Variants in PELI3 observed in about 807,000 individuals in gnomAD.
PELI3 encodes the protein E3 ubiquitin-protein ligase pellino homolog 3.
A neutral mutation model predicts 35.5 loss-of-function variants in PELI3; 19 were observed. The ratio of observed to expected loss-of-function variants is 0.54; its 90% CI spans 0.37 to 0.79. The LOEUF (loss-of-function observed/expected upper bound fraction) is 0.79, where lower values mean the gene tolerates loss of function less well. Ranked by LOEUF, PELI3 falls within the 30% of genes least tolerant of loss-of-function variation. The pLI is 0.00. For synonymous variants in PELI3, 262 were observed against 279.2 expected, an observed-to-expected ratio of 0.94 and a Z score of 0.62; for missense variants, 490 against 661.2, an observed-to-expected ratio of 0.74 and a Z score of 2.84.
In PELI3 at chr11:66,473,803, G is replaced by A. The variant is rs1854805754; in HGVS notation, c.718G>A (p.Val240Met). The A allele has an allele frequency of 6.2e-7, 1 of 1,614,010 alleles. No homozygotes were observed. Among genetic ancestry groups the A allele is most frequent in the East Asian group, 2.2e-5 (1 of 44,888 alleles). ...MDGLTTNGVL[V>M]MHPAGGFSED... ...TGGACTGACCACCAATGGAGTCCTG[G>A]TGATGCACCCGGCAGGCGGCTTCTC... The change falls in exon 7 of 8, where the codon GTG (valine) becomes ATG (methionine). Residue 240 changes from valine (V) to methionine (M), a missense_variant. By Grantham distance (21) the Val-to-Met change is conservative. Around this residue, in one of 3 missense-constraint regions of PELI3, gnomAD observed 349 missense variants for 484.8 expected, o/e 0.72. Transcript: ENST00000320740. This position sits in a 1 kb window ranked among gnomAD's most constrained non-coding sequence, Gnocchi z 5.8.
Position 66,475,817 on chromosome 11 carries a change from C to T in PELI3, c.1060C>T (p.Gln354Ter). ...PARGRTAPDK[Q>*]QPWVYVRCGH... ...CCGTGGCCGCACAGCGCCCGACAAACAGCAGCCCTGGGTCTACGTCCGCTG... is the reference window on the plus strand; with the variant it reads ...CCGTGGCCGCACAGCGCCCGACAAATAGCAGCCCTGGGTCTACGTCCGCTG... Residue 354 changes from glutamine (Q) to a stop codon, truncating the protein, a stop_gained, in exon 8 of 8, where the codon CAG (glutamine) becomes TAG (stop). Coordinates refer to ENST00000320740, the MANE Select transcript of PELI3 (RefSeq NM_145065.3). LOFTEE classifies it high-confidence loss of function. 6.2e-7 allele frequency: 1 copy of T among 1,608,172 alleles called. No individual in the cohort carries two copies. The highest frequency in any genetic ancestry group is 8.5e-7 in the Non-Finnish European group (1 of 1,178,246).
Position 66,473,107 on chromosome 11 carries a change from C to T in PELI3, c.457-134C>T. The T allele has an allele frequency of 1.2e-6, 1 of 865,334 alleles. No homozygotes were observed. The highest frequency in any genetic ancestry group is 2.7e-5 in the East Asian group (1 of 37,056). 53.6% of individuals were successfully genotyped at this position (865,334 alleles called of 1,614,324 possible). On this transcript the variant is annotated intron_variant, in intron 5 of 7. Coordinates refer to ENST00000320740, the MANE Select transcript of PELI3 (RefSeq NM_145065.3). This position sits in a 1 kb window ranked among gnomAD's most constrained non-coding sequence, Gnocchi z 5.8. ...AGAGGGCCTATGGAGTTGGTGCTGC[C>T]CCTTCTCCAGGGCCTGGCAGCCTCC...
intron 7 of PELI3, chr11:66,474,427 G>C: frequency 3.3e-6 from 1 of 303,198 alleles, no homozygotes; most frequent in South Asian, 3.5e-5. Flanking sequence ...AGATCAGAGA[G>C]CTGAGGTTAG....
At chr11:66,471,709 G>C (rs1239588811) in intron 4 of PELI3, among the ~76,000 whole-genome samples, 1 of 152,092 alleles carries the variant, frequency 6.6e-6, no homozygotes, top group Non-Finnish European at 1.5e-5. Flanking sequence ...CAGAGAGTGG[G>C]AGGTGACAGT....
rs538589865 is a variant in PELI3, at chr11:66,468,680, A to G, written c.153-153A>G. On this transcript the variant is annotated intron_variant, in intron 2 of 7. Coordinates refer to ENST00000320740, the MANE Select transcript of PELI3 (RefSeq NM_145065.3). ...CCCCTGTTTTGCAAATGGGGATGAT[A>G]ATAATCCCTTCCTCAGAGGGTTGTT... 2.0e-5 allele frequency among the ~76,000 whole-genome samples: 3 copies of G among 152,340 alleles called. No individual in the cohort carries two copies. In the South Asian group the frequency reaches 6.2e-4, roughly 32 times the overall value.
chr11:66,475,689 G>A lies in PELI3; in HGVS notation c.932G>A (p.Arg311Gln), dbSNP rs1225139301. 17 of 1,612,430 alleles carry A rather than the reference G, an allele frequency of 1.1e-5. No individual in the cohort carries two copies. Among genetic ancestry groups the A allele is most frequent in the East Asian group, 6.7e-5 (3 of 44,870 alleles). ...LLWRTPAGLL[R>Q]APTLKQLEAQ... The stretch of plus-strand genomic sequence containing the variant: ...TGGCGCACACCGGCGGGGCTGCTGC[G>A]GGCTCCCACACTGAAGCAACTGGAG... Residue 311 changes from arginine (R) to glutamine (Q), a missense_variant, in exon 8 of 8, where the codon CGG becomes CAG. By Grantham distance (43) the Arg-to-Gln change is conservative. This residue lies in a region of PELI3 where 349 missense variants were observed against 484.8 expected (regional missense o/e 0.72). Coordinates refer to ENST00000320740, the MANE Select transcript of PELI3 (RefSeq NM_145065.3).
At position 66,467,356 on chromosome 11, in the gene PELI3, G is replaced by A. The variant is rs1365322023; in HGVS notation, c.-2+329G>A. 2.0e-5 allele frequency: 3 copies of A among 152,214 alleles called. No homozygotes were observed. Among genetic ancestry groups the A allele is most frequent in the Non-Finnish European group, 4.4e-5 (3 of 68,074 alleles). The allele number at this position is 152,214 out of a possible 1,614,324, so 9.4% of individuals were successfully genotyped here. On this transcript the variant is annotated intron_variant, in intron 1 of 7. Coordinates refer to ENST00000320740, the MANE Select transcript of PELI3 (RefSeq NM_145065.3). The surrounding 1 kb of genome is among the most constrained non-coding windows in gnomAD (Gnocchi z 4.2). ...CCCGGCGCGGTCCCTCTGGCGCGGG[G>A]ATGTTTTCCAAACGGGCTGCCTGCG...
intron 3 of PELI3, among the ~76,000 whole-genome samples, chr11:66,470,717 T>C (rs946601612): frequency 6.6e-6 from 1 of 152,130 alleles, no homozygotes; most frequent in Non-Finnish European, 1.5e-5. Flanking sequence ...TGGTTTTGAG[T>C]AGTGGTGTGA....
chr11:66,475,428 C>CA, intron 7 of PELI3, 170 bp from the exon 8 acceptor site: 1 of 620,732 alleles, frequency 1.6e-6, no homozygotes, highest in Non-Finnish European at 2.8e-6. Flanking sequence ...GGGGGATCAG[C>CA]ATGTGCCTGG....
chr11:66,468,421 G>C, intron 2 of PELI3, 141 bp downstream of exon 2: 1 of 813,044 alleles, frequency 1.2e-6, no homozygotes, highest in Non-Finnish European at 1.7e-6. Context: ...AGACAAAATT[G>C]ACCAAACCCA....
chr11:66,475,544 C>CACA, intron 7 of PELI3, 54 bp from the exon 8 acceptor site: 1 of 1,580,688 alleles, frequency 6.3e-7, no homozygotes, highest in South Asian at 1.1e-5. Flanking sequence ...GGGATGGACC[C>CACA]GCGGCTCAGC....
In PELI3 at chr11:66,476,467, T is replaced by C. The variant is rs1854924800; in HGVS notation, c.*300T>C. The C allele has an allele frequency of 4.5e-6, 2 of 441,590 alleles. No homozygotes were observed. Among genetic ancestry groups the C allele is most frequent in the Non-Finnish European group, 8.2e-6 (2 of 245,370 alleles). 27.4% of individuals were successfully genotyped at this position (441,590 alleles called of 1,614,324 possible). A position where few individuals can be genotyped will look rare whatever the true frequency, so the allele number is the denominator to read the frequency against. Reference sequence around the variant, plus strand: ...CCCACATCGTGCCGCCGACACTGTGTGCCCCTGGGGGAGTGAAGGGGCCAG... The same window carrying C: ...CCCACATCGTGCCGCCGACACTGTGCGCCCCTGGGGGAGTGAAGGGGCCAG... On this transcript the variant is annotated 3_prime_UTR_variant, in exon 8 of 8. Coordinates refer to ENST00000320740, the MANE Select transcript of PELI3 (RefSeq NM_145065.3).
Position 66,473,383 on chromosome 11 carries a change from C to T in PELI3, c.599C>T (p.Thr200Ile), listed in dbSNP as rs1231287183. 1 of 1,613,684 alleles carries T rather than the reference C, an allele frequency of 6.2e-7. No homozygotes were observed. Among genetic ancestry groups the T allele is most frequent in the South Asian group, 1.1e-5 (1 of 91,078 alleles). Residue 200 changes from threonine (T) to isoleucine (I), a missense_variant, in exon 6 of 8, where the codon ACT becomes ATT. This residue lies in a region of PELI3 where 349 missense variants were observed against 484.8 expected (regional missense o/e 0.72). Transcript: ENST00000320740. The surrounding 1 kb of genome is among the most constrained non-coding windows in gnomAD (Gnocchi z 5.8). ...RILCDRRPPY[T>I]ARIYAAGFDA... is the part of the protein sequence containing the mutation. ...CTCTGTGACCGCCGGCCACCCTATA[C>T]TGCCCGCATCTATGCCGCTGGCTTC...
chr11:66,472,570 C>T lies in PELI3; in HGVS notation c.456+100C>T. Reference sequence around the variant, plus strand: ...GGGTTGGGAGGCCATGGGAAAGCTGCTTCTCTCCAGACGAGGAAGCAGGAT... The same window carrying T: ...GGGTTGGGAGGCCATGGGAAAGCTGTTTCTCTCCAGACGAGGAAGCAGGAT... On this transcript the variant is annotated intron_variant, in intron 5 of 7. Coordinates refer to ENST00000320740, the MANE Select transcript of PELI3 (RefSeq NM_145065.3). 3 of 960,676 alleles carry T rather than the reference C, an allele frequency of 3.1e-6. No individual in the cohort carries two copies. In the South Asian group the frequency reaches 4.3e-5, roughly 14 times the overall value. The allele number at this position is 960,676 out of a possible 1,614,324, so 59.5% of individuals were successfully genotyped here.
rs1219686830 is a variant in PELI3, at chr11:66,472,424, C to T, written c.410C>T (p.Ser137Leu). Residue 137 changes from serine (S) to leucine (L), a missense_variant, in exon 5 of 8, where the codon TCG (serine) becomes TTG (leucine). Physicochemically the swap from Ser to Leu is moderately radical, Grantham distance 145. Coordinates refer to ENST00000320740, the MANE Select transcript of PELI3 (RefSeq NM_145065.3). ...TCGTATACACTGTCCCGGAGCCACT[C>T]GGTCATAGTGGAGTATACACATGAT... ...SISYTLSRSH[S>L]VIVEYTHDSD... The T allele has an allele frequency of 1.3e-5, 21 of 1,613,986 alleles. 1 individual carries two copies. In the South Asian group the frequency reaches 1.4e-4, roughly 11 times the overall value.
chr11:66,476,571 C>T lies in PELI3; in HGVS notation c.*404C>T, dbSNP rs990706852. The T allele has an allele frequency of 9.5e-6, 2 of 209,832 alleles. No individual in the cohort carries two copies. The highest frequency in any genetic ancestry group is 8.5e-5 in the South Asian group (1 of 11,712). The allele number at this position is 209,832 out of a possible 1,614,324, so 13.0% of individuals were successfully genotyped here. ...TTCAGACACTCATCCTTCATCCTTCCTGCTGCCGCCCTGGGTTCCTCTATA... is the reference window on the plus strand; with the variant it reads ...TTCAGACACTCATCCTTCATCCTTCTTGCTGCCGCCCTGGGTTCCTCTATA... On this transcript the variant is annotated 3_prime_UTR_variant, in exon 8 of 8. Transcript: ENST00000320740.
chr11:66,476,049 C>T lies in PELI3; in HGVS notation c.1292C>T (p.Ala431Val), dbSNP rs777914821. Residue 431 changes from alanine (A) to valine (V), a missense_variant, in exon 8 of 8, where the codon GCC (alanine) becomes GTC (valine). Transcript: ENST00000320740. ...TCTGAGAAGACTGCCCGCTACTGGG[C>T]CCAGACACCACTGCCCCACGGCACC... ...VCSEKTARYW[A>V]QTPLPHGTHA... The T allele has an allele frequency of 6.2e-7, 1 of 1,611,086 alleles. No individual in the cohort carries two copies. Among genetic ancestry groups the T allele is most frequent in the Non-Finnish European group, 8.5e-7 (1 of 1,179,684 alleles).
Position 66,475,864 on chromosome 11 carries a change from C to T in PELI3, c.1107C>T (p.His369=), listed in dbSNP as rs763830890. The part of the protein sequence containing the change: ...YVRCGHVHGY[H]GWGCRRERGP... ...GCTGCGGGCACGTCCATGGCTACCACGGCTGGGGCTGCCGGCGGGAGCGGG... is the reference window on the plus strand; with the variant it reads ...GCTGCGGGCACGTCCATGGCTACCATGGCTGGGGCTGCCGGCGGGAGCGGG... The change falls in exon 8 of 8, where the codon CAC becomes CAT. Residue 369 remains histidine, a synonymous_variant. Coordinates refer to ENST00000320740, the MANE Select transcript of PELI3 (RefSeq NM_145065.3). The T allele has an allele frequency of 4.3e-5, 69 of 1,606,232 alleles. 1 individual carries two copies. Among genetic ancestry groups the T allele is most frequent in the East Asian group, 1.3e-4 (6 of 44,718 alleles).
intron 7 of PELI3, chr11:66,475,102 A>C (rs1854859461): frequency 6.2e-6 from 1 of 161,376 alleles, no homozygotes; most frequent in Non-Finnish European, 1.3e-5. Context: ...GAGGATGAGG[A>C]AACTGAGATG....
Sources: allele counts gnomAD v4.1 joint callset (sites outside exome capture counted in the v4.1 genomes callset), GRCh38; gene constraint gnomAD v4.1.1; regional missense constraint gnomAD v4.1.1; non-coding constraint Gnocchi (gnomAD v3.1); transcripts MANE v1.5; gene names NCBI Gene and HGNC (gene_info 2026-07-23, HGNC 2026-07-21).